BCAT1: variants seen among roughly 807,000 people sequenced by gnomAD.
BCAT1 encodes the protein branched-chain-amino-acid aminotransferase, cytosolic.
In BCAT1, 48 loss-of-function variants were observed where a neutral mutation model predicts 52.4. That is an observed-to-expected ratio of 0.92 (90% CI 0.73 to 1.16). The LOEUF (loss-of-function observed/expected upper bound fraction) is 1.16. Among genes scored for constraint, BCAT1 ranks in the 50% most tolerant of loss-of-function variants. BCAT1 has a pLI of 0.00. For synonymous variants in BCAT1, 167 were observed against 161.3 expected (o/e 1.04, Z -0.27); for missense variants, 451 against 457.1 (o/e 0.99, Z 0.12).
Position 24,906,106 on chromosome 12 carries a change from C to T in BCAT1, c.7-4221G>A, listed in dbSNP as rs77051197. On this transcript the variant is annotated intron_variant, in intron 1 of 10. Coordinates refer to ENST00000261192, the MANE Select transcript of BCAT1 (RefSeq NM_005504.7). ...CACGGGATTAAGGTGAGAGGATTAC[C>T]TGAACTTGGTGAGGTTGAGGCTGCA... Among the ~76,000 whole-genome samples, 269 of 151,640 alleles carry T rather than the reference C, an allele frequency of 1.8e-3. 1 individual carries two copies. The highest frequency in any genetic ancestry group is 6.1e-3 in the African/African-American group (251 of 41,280).
chr12:24,887,741 G>A (rs1767503178), intron 3 of BCAT1, among the ~76,000 whole-genome samples: 1 of 152,088 alleles, frequency 6.6e-6, no homozygotes. Context: ...CTAAATATTT[G>A]TTATAATCTG....
At chr12:24,924,216 A>G (rs1212737677) in intron 1 of BCAT1, among the ~76,000 whole-genome samples, 2 of 152,226 alleles carry the variant, frequency 1.3e-5, no homozygotes. Flanking sequence ...TAAGAAAATA[A>G]CAGTAACAAA....
chr12:24,846,487 T>G (rs1351405978), intron 6 of BCAT1, among the ~76,000 whole-genome samples: 1 of 152,164 alleles, frequency 6.6e-6, no homozygotes, highest in Non-Finnish European at 1.5e-5. Flanking sequence ...TCAATATGGT[T>G]TTAAATAGGT....
intron 8 of BCAT1, among the ~76,000 whole-genome samples, chr12:24,835,555 A>T (rs1186063347): frequency 1.2e-4 from 8 of 65,552 alleles, no homozygotes; most frequent in East Asian, 5.0e-4. Flanking sequence ...ATTTTATTTT[A>T]TTTATTTATT....
chr12:24,899,225 A>G (rs1171716321), intron 2 of BCAT1, among the ~76,000 whole-genome samples: 1 of 152,238 alleles, frequency 6.6e-6, no homozygotes, highest in East Asian at 1.9e-4. Context: ...TGACTGCATC[A>G]TAAATGGGGA....
intron 7 of BCAT1, among the ~76,000 whole-genome samples, chr12:24,838,934 A>G (rs143693341): frequency 6.6e-6 from 1 of 152,340 alleles, no homozygotes; most frequent in East Asian, 1.9e-4. Context: ...TCAAACACTA[A>G]TGGAAACCAG....
chr12:24,835,347 C>T (rs893510555), intron 8 of BCAT1, among the ~76,000 whole-genome samples: 8 of 152,040 alleles, frequency 5.3e-5, no homozygotes, highest in Non-Finnish European at 7.4e-5. Flanking sequence ...TCCTAGATAA[C>T]GTGTGTGTTT....
At chr12:24,837,059 G>C (rs1053612506) in intron 7 of BCAT1, among the ~76,000 whole-genome samples, 1 of 117,362 alleles carries the variant, frequency 8.5e-6, no homozygotes, top group Non-Finnish European at 1.8e-5. Flanking sequence ...AAAAGAAAGA[G>C]AGAAGGAAAG....
At chr12:24,937,513 T>C (rs1016260545) in intron 1 of BCAT1, among the ~76,000 whole-genome samples, 4 of 146,386 alleles carry the variant, frequency 2.7e-5, no homozygotes, top group Non-Finnish European at 4.7e-5. Flanking sequence ...TTTTTGTTTG[T>C]TTGTTTGTTT....
At chr12:24,929,455 A>C (rs1461908966) in intron 1 of BCAT1, among the ~76,000 whole-genome samples, 1 of 152,224 alleles carries the variant, frequency 6.6e-6, no homozygotes. Context: ...CCAGTTAGTT[A>C]TTCTGAGACA....
At chr12:24,930,385 G>A (rs1943659640) in intron 1 of BCAT1, among the ~76,000 whole-genome samples, 1 of 152,170 alleles carries the variant, frequency 6.6e-6, no homozygotes, top group African/African-American at 2.4e-5. Flanking sequence ...AGTTCACATA[G>A]TTCATGACGT....
chr12:24,943,698 T>C (rs796075829), intron 1 of BCAT1, among the ~76,000 whole-genome samples: 7 of 152,090 alleles, frequency 4.6e-5, no homozygotes, highest in African/African-American at 1.7e-4. Context: ...GTTAAAGTAG[T>C]TTGAGGCCGG....
chr12:24,933,641 CTA>C (rs1379060870), intron 1 of BCAT1, among the ~76,000 whole-genome samples: 2 of 151,996 alleles, frequency 1.3e-5, no homozygotes, highest in African/African-American at 2.4e-5. Flanking sequence ...ACTTAAGTGG[CTA>C]TGTTTTCTGG....
intron 2 of BCAT1, among the ~76,000 whole-genome samples, chr12:24,896,042 T>C (rs182649674): frequency 1.1e-4 from 16 of 152,204 alleles, no homozygotes; most frequent in Non-Finnish European, 1.8e-4. Flanking sequence ...TTTTTAGAGA[T>C]AGGGACTCAC....
intron 7 of BCAT1, among the ~76,000 whole-genome samples, chr12:24,836,904 AAG>A (rs369205661): frequency 0.27 from 9,669 of 36,060 alleles, 1,465 homozygotes; most frequent in East Asian, 0.44. Context: ...AAAGAAAAGA[AAG>A]AGAGAAAGAA....
intron 5 of BCAT1, among the ~76,000 whole-genome samples, chr12:24,862,107 A>G (rs1591817422): frequency 6.6e-6 from 1 of 152,166 alleles, no homozygotes; most frequent in Non-Finnish European, 1.5e-5. Context: ...TTAGCATATA[A>G]TCAAGAAATA....
intron 3 of BCAT1, among the ~76,000 whole-genome samples, chr12:24,892,718 T>G (rs1416113076): frequency 6.6e-6 from 1 of 152,094 alleles, no homozygotes; most frequent in Admixed American, 6.5e-5. Context: ...CCAGACATGG[T>G]GACATGTGTC....
chr12:24,892,680 C>A (rs1400325143), intron 3 of BCAT1, among the ~76,000 whole-genome samples: 2 of 151,852 alleles, frequency 1.3e-5, no homozygotes, highest in Non-Finnish European at 2.9e-5. Context: ...TGGCAAAACC[C>A]AGTCTCAACA....
chr12:24,944,508 C>T (rs1943905921), intron 1 of BCAT1, among the ~76,000 whole-genome samples: 1 of 152,216 alleles, frequency 6.6e-6, no homozygotes, highest in Admixed American at 6.5e-5. Context: ...AATATCCCAA[C>T]AGGTGCTCCT....
Sources: gnomAD v4.1 joint callset for allele counts (sites outside exome capture counted in the v4.1 genomes callset) on GRCh38, gnomAD v4.1.1 for gene constraint, MANE v1.5 for transcripts, NCBI Gene and HGNC (gene_info 2026-07-23, HGNC 2026-07-21) for gene names.